The following HS6ST2 variants were observed in gnomAD, a reference collection of about 807,000 sequenced individuals.
The protein encoded by HS6ST2 is heparan-sulfate 6-O-sulfotransferase 2.
In HS6ST2, 17 loss-of-function variants were observed where a neutral mutation model predicts 33.0. The ratio of observed to expected loss-of-function variants is 0.52; its 90% CI spans 0.35 to 0.77. The LOEUF (loss-of-function observed/expected upper bound fraction) is 0.77. Ranked by LOEUF, HS6ST2 falls within the 30% of genes least tolerant of loss-of-function variation. HS6ST2 has a pLI of 0.01. For missense variants in HS6ST2, 519 were observed against 551.7 expected (o/e 0.94, Z 0.59); for synonymous variants, 248 against 237.1 (o/e 1.05, Z -0.42).
intron 2 of HS6ST2, among the ~76,000 whole-genome samples, chrX:132,771,954 G>T (rs779038013): frequency 3.6e-5 from 4 of 111,501 alleles, no homozygotes; most frequent in African/African-American, 1.3e-4. Flanking sequence ...TCTTGGATGT[G>T]TACAACAGAG....
rs935929242 is a variant in HS6ST2, at chrX:132,947,030, G to T, written c.947+9778C>A. ...ACTAACGTTCCTTCACACGCACTCA[G>T]GTTTAACACAACACCCAATGTCTAA... On this transcript the variant is annotated intron_variant, in intron 2 of 4. Transcript: ENST00000370833. Among the ~76,000 whole-genome samples the T allele has an allele frequency of 2.7e-5, 3 of 111,433 alleles. No homozygotes were observed. In the Admixed American group the frequency reaches 2.9e-4, roughly 11 times the overall value.
intron 2 of HS6ST2, among the ~76,000 whole-genome samples, chrX:132,734,183 G>A (rs1216403034): frequency 1.1e-4 from 12 of 105,981 alleles, no homozygotes; most frequent in Non-Finnish European, 2.3e-4. Flanking sequence ...GAGAAAGGAT[G>A]GTGACGGAAT....
chrX:132,760,295 T>G (rs1428959294), intron 2 of HS6ST2, among the ~76,000 whole-genome samples: 1 of 111,020 alleles, frequency 9.0e-6, no homozygotes, highest in African/African-American at 3.3e-5. Context: ...ATAATCCCCA[T>G]GTGTCATGGG....
intron 2 of HS6ST2, among the ~76,000 whole-genome samples, chrX:132,857,748 T>A (rs1401582113): frequency 1.8e-5 from 2 of 111,477 alleles, no homozygotes; most frequent in African/African-American, 6.5e-5. Flanking sequence ...GAATAGAAAG[T>A]TCCATGACGG....
chrX:132,814,512 G>T (rs1353381857), intron 2 of HS6ST2, among the ~76,000 whole-genome samples: 5 of 111,210 alleles, frequency 4.5e-5, no homozygotes, highest in Admixed American at 1.9e-4. Context: ...TAGTTTTTTT[G>T]TTTTTGTTTT....
intron 2 of HS6ST2, among the ~76,000 whole-genome samples, chrX:132,788,408 C>T (rs1219951296): frequency 1.8e-5 from 2 of 111,504 alleles, no homozygotes; most frequent in East Asian, 5.6e-4. Context: ...AGAAGTTGTG[C>T]GTGTTCAGAC....
chrX:132,807,718 C>T (rs1403811414), intron 2 of HS6ST2, among the ~76,000 whole-genome samples: 1 of 111,992 alleles, frequency 8.9e-6, no homozygotes, highest in Non-Finnish European at 1.9e-5. Context: ...AGAAAAGTCA[C>T]GAGGCACGAT....
chrX:132,955,304 G>T lies in HS6ST2; in HGVS notation c.947+1504C>A, dbSNP rs992306909. Among the ~76,000 whole-genome samples the T allele has an allele frequency of 3.6e-4, 40 of 112,279 alleles. 1 individual carries two copies. In the Admixed American group the frequency reaches 3.7e-3, roughly 10 times the overall value. Reference sequence around the variant, plus strand: ...TTTCTTGGGGTGGAAGAAAAAATTTGTTAGTATTGGAAAGGAAATACAAGT... The same window carrying T: ...TTTCTTGGGGTGGAAGAAAAAATTTTTTAGTATTGGAAAGGAAATACAAGT... On this transcript the variant is annotated intron_variant, in intron 2 of 4. Transcript: ENST00000370833.
chrX:132,931,996 C>T (rs1196467068), intron 2 of HS6ST2, among the ~76,000 whole-genome samples: 3 of 109,269 alleles, frequency 2.7e-5, no homozygotes, highest in South Asian at 8.3e-4. Flanking sequence ...ACCATCCTGG[C>T]TAACACAGTG....
chrX:132,899,554 G>T (rs1172278423), intron 2 of HS6ST2, among the ~76,000 whole-genome samples: 1 of 110,415 alleles, frequency 9.1e-6, no homozygotes, highest in African/African-American at 3.3e-5. Context: ...AAAGATGAAT[G>T]AACCTAAAGA....
At chrX:132,942,371 A>T (rs2066896036) in intron 2 of HS6ST2, among the ~76,000 whole-genome samples, 1 of 111,303 alleles carries the variant, frequency 9.0e-6, no homozygotes, top group African/African-American at 3.3e-5. Flanking sequence ...TTTACCTCCA[A>T]CATTAATAAT....
At chrX:132,949,630 A>C (rs913754504) in intron 2 of HS6ST2, among the ~76,000 whole-genome samples, 1 of 111,219 alleles carries the variant, frequency 9.0e-6, no homozygotes, top group African/African-American at 3.3e-5. Context: ...GAACCAAAAA[A>C]GTAGACCTGT....
intron 2 of HS6ST2, among the ~76,000 whole-genome samples, chrX:132,812,423 T>C (rs1308580713): frequency 1.9e-4 from 19 of 102,088 alleles, no homozygotes; most frequent in African/African-American, 6.0e-4. Context: ...ATAATAATAA[T>C]AATAATAATA....
In HS6ST2 at chrX:132,637,878, ATATATATAATATT is replaced by A. The variant is rs2063569950; in HGVS notation, c.1068-8798_1068-8786del. 9.3e-5 allele frequency among the ~76,000 whole-genome samples: 4 copies of A among 43,049 alleles called. No individual in the cohort carries two copies. The African/African-American group carries it at 1.1e-3, about 12-fold the overall frequency. 37.4% of individuals were successfully genotyped at this position (43,049 alleles called of 115,157 possible). On this transcript the variant is annotated intron_variant, in intron 4 of 4. Transcript: ENST00000370833. ...ATATATATAATATATTATATATAAT[ATATATATAATATT>A]TTATATATAATATTATATATAATAT...
At chrX:132,669,324 ATCTCTC>A (rs10550199) in intron 3 of HS6ST2, 125 bp from the exon 4 acceptor site, 105 of 340,364 alleles carry the variant, frequency 3.1e-4, no homozygotes, top group Admixed American at 9.7e-4. Context: ...CCCCTGGCCA[ATCTCTC>A]TCTCTCTCTC....
At chrX:132,886,099 C>T (rs1327143655) in intron 2 of HS6ST2, among the ~76,000 whole-genome samples, 2 of 111,535 alleles carry the variant, frequency 1.8e-5, no homozygotes, top group Non-Finnish European at 3.8e-5. Flanking sequence ...CTGGATGTCC[C>T]CATATATTGG....
At chrX:132,862,364 A>G (rs1466656559) in intron 2 of HS6ST2, among the ~76,000 whole-genome samples, 1 of 112,093 alleles carries the variant, frequency 8.9e-6, no homozygotes, top group South Asian at 3.7e-4. Flanking sequence ...ACAAATTTGG[A>G]TACAAAAAGA....
intron 2 of HS6ST2, among the ~76,000 whole-genome samples, chrX:132,774,812 T>C (rs911057146): frequency 1.8e-5 from 2 of 110,283 alleles, no homozygotes; most frequent in Non-Finnish European, 3.8e-5. Flanking sequence ...TCCAGAGTAG[T>C]GGGGATTACA....
chrX:132,711,117 G>C (rs761520887), intron 2 of HS6ST2, among the ~76,000 whole-genome samples: 5 of 111,866 alleles, frequency 4.5e-5, no homozygotes, highest in Non-Finnish European at 7.5e-5. Flanking sequence ...ATGGTACTTA[G>C]GCAACTGACT....
Sources: allele counts gnomAD v4.1 joint callset (sites outside exome capture counted in the v4.1 genomes callset), GRCh38; gene constraint gnomAD v4.1.1; transcripts MANE v1.5; gene names NCBI Gene and HGNC (gene_info 2026-07-23, HGNC 2026-07-21).